The following GAB2 variants were observed in gnomAD, a reference collection of about 807,000 sequenced individuals.
GAB2 encodes GRB2-associated-binding protein 2.
A neutral mutation model predicts 65.5 loss-of-function variants in GAB2; 26 were observed. The ratio of observed to expected loss-of-function variants is 0.40; its 90% CI spans 0.29 to 0.55. GAB2 has a LOEUF of 0.55. Ranked by LOEUF, GAB2 falls within the 20% of genes least tolerant of loss-of-function variation. GAB2 has a pLI of 0.53. For synonymous variants in GAB2, 321 were observed against 329.6 expected (o/e 0.97, Z 0.28); for missense variants, 884 against 875.8 (o/e 1.01, Z -0.12).
intron 1 of GAB2, among the ~76,000 whole-genome samples, chr11:78,372,966 C>G (rs908946384): frequency 6.6e-6 from 1 of 151,936 alleles, no homozygotes; most frequent in Admixed American, 6.6e-5. Flanking sequence ...AAGTAGAGTC[C>G]TGGAAGAAGA....
chr11:78,321,967 AT>A (rs1466176607), intron 1 of GAB2, among the ~76,000 whole-genome samples: 4 of 152,048 alleles, frequency 2.6e-5, no homozygotes, highest in Non-Finnish European at 5.9e-5. Context: ...ACTCCTACCT[AT>A]CATGATACAT....
At chr11:78,400,354 A>AG (rs1226157912) in intron 1 of GAB2, among the ~76,000 whole-genome samples, 1 of 152,164 alleles carries the variant, frequency 6.6e-6, no homozygotes, top group East Asian at 1.9e-4. Context: ...ACTCCATATA[A>AG]GGGCATCATT....
At chr11:78,269,580 C>T (rs1231402463) in intron 2 of GAB2, among the ~76,000 whole-genome samples, 1 of 152,188 alleles carries the variant, frequency 6.6e-6, no homozygotes, top group Non-Finnish European at 1.5e-5. Context: ...TTGAAGACCC[C>T]ACTAACATTC....
At chr11:78,403,156 C>T (rs12294562) in intron 1 of GAB2, among the ~76,000 whole-genome samples, 13,283 of 152,212 alleles carry the variant, frequency 0.087, 1,852 homozygotes, top group African/African-American at 0.3. Context: ...AACCACCCAG[C>T]TAAGGCTACT....
chr11:78,396,411 C>T (rs1856895325), intron 1 of GAB2, among the ~76,000 whole-genome samples: 1 of 152,166 alleles, frequency 6.6e-6, no homozygotes, highest in South Asian at 2.1e-4. Context: ...TGTGGGAGAG[C>T]TATAAGAACA....
At chr11:78,221,412 A>T (rs535712118) in intron 8 of GAB2, among the ~76,000 whole-genome samples, 6 of 152,180 alleles carry the variant, frequency 3.9e-5, no homozygotes, top group Non-Finnish European at 7.3e-5. Context: ...CATGCCACCC[A>T]TGTCACTGTC....
intron 1 of GAB2, among the ~76,000 whole-genome samples, chr11:78,340,896 T>C (rs556406515): frequency 6.6e-6 from 1 of 152,178 alleles, no homozygotes; most frequent in South Asian, 2.1e-4. Context: ...TCTTTCCTCA[T>C]CACAATGGTG....
At chr11:78,346,227 G>A (rs982903370) in intron 1 of GAB2, among the ~76,000 whole-genome samples, 2 of 152,062 alleles carry the variant, frequency 1.3e-5, no homozygotes, top group Non-Finnish European at 2.9e-5. Context: ...AAAGTGAAAG[G>A]AATAAATCTG....
intron 1 of GAB2, among the ~76,000 whole-genome samples, chr11:78,373,529 C>T (rs1026056797): frequency 5.9e-5 from 9 of 152,142 alleles, no homozygotes; most frequent in East Asian, 1.9e-4. Flanking sequence ...TGAGCCACCA[C>T]GCCTGGCCAT....
intron 1 of GAB2, among the ~76,000 whole-genome samples, chr11:78,394,674 C>A (rs1856873879): frequency 6.6e-6 from 1 of 152,186 alleles, no homozygotes; most frequent in South Asian, 2.1e-4. Flanking sequence ...GCTGTTACCC[C>A]ACTGTTTGGC....
chr11:78,242,330 A>G (rs1033140515), intron 3 of GAB2, among the ~76,000 whole-genome samples: 2 of 151,950 alleles, frequency 1.3e-5, no homozygotes, highest in South Asian at 2.1e-4. Context: ...GTGAAACCCC[A>G]TCTCTACTAA....
intron 4 of GAB2, 148 bp from the exon 5 acceptor site, chr11:78,225,350 C>T (rs1299974319): frequency 1.3e-5 from 8 of 598,200 alleles, no homozygotes; most frequent in East Asian, 2.8e-5. Context: ...TCTTCGAACA[C>T]ATCACTCCTC....
chr11:78,283,657 T>C (rs1866391674), intron 1 of GAB2, among the ~76,000 whole-genome samples: 1 of 152,134 alleles, frequency 6.6e-6, no homozygotes, highest in African/African-American at 2.4e-5. Flanking sequence ...TCAGTGCTGA[T>C]AAATCAACTC....
chr11:78,302,522 A>C (rs887872758), intron 1 of GAB2, among the ~76,000 whole-genome samples: 17 of 152,096 alleles, frequency 1.1e-4, no homozygotes, highest in Non-Finnish European at 2.5e-4. Flanking sequence ...TAAAAAAAAA[A>C]CAAAACAGAT....
At chr11:78,400,921 A>C (rs1856961556) in intron 1 of GAB2, among the ~76,000 whole-genome samples, 1 of 151,302 alleles carries the variant, frequency 6.6e-6, no homozygotes, top group Admixed American at 6.6e-5. Flanking sequence ...AAAAAAAAAA[A>C]AAAAAAGGTT....
Position 78,280,909 on chromosome 11 carries a change from A to T in GAB2, c.76-8T>A. 6.2e-7 allele frequency: 1 copy of T among 1,609,524 alleles called. No individual in the cohort carries two copies. Among genetic ancestry groups the T allele is most frequent in the Non-Finnish European group, 8.5e-7 (1 of 1,176,556 alleles). ...CCAGCGTTTCTTCCAGGCCTAAATC[A>T]TATCAGGAAGGAGTAAGAAGAGGGG... is the stretch of plus-strand genomic sequence containing the variant. On this transcript the variant is annotated splice_region_variant and splice_polypyrimidine_tract_variant and intron_variant, in intron 1 of 9. Coordinates refer to ENST00000361507, the MANE Select transcript of GAB2 (RefSeq NM_080491.3).
chr11:78,404,263 C>T (rs1265290529), intron 1 of GAB2, among the ~76,000 whole-genome samples: 1 of 152,196 alleles, frequency 6.6e-6, no homozygotes, highest in Non-Finnish European at 1.5e-5. Flanking sequence ...TTATTCAGGG[C>T]TGGGCACAGT....
chr11:78,411,171 T>G (rs1236897964), intron 1 of GAB2, among the ~76,000 whole-genome samples: 15 of 139,146 alleles, frequency 1.1e-4, no homozygotes, highest in South Asian at 2.4e-4. Context: ...GGGGGGGGGA[T>G]GGTGGAAGGA....
At position 78,417,680 on chromosome 11, in the gene GAB2, C is replaced by A; in HGVS notation, c.41G>T (p.Arg14Met). 7.2e-7 allele frequency: 1 copy of A among 1,392,742 alleles called. No homozygotes were observed. Among genetic ancestry groups the A allele is most frequent in the Non-Finnish European group, 9.5e-7 (1 of 1,050,468 alleles). The allele number at this position is 1,392,742 out of a possible 1,614,324, so 86.3% of individuals were successfully genotyped here. A position where few individuals can be genotyped will look rare whatever the true frequency, so the allele number is the denominator to read the frequency against. Residue 14 changes from arginine (R) to methionine (M), a missense_variant, in exon 1 of 10, where the codon AGG (arginine) becomes ATG (methionine). Coordinates refer to ENST00000361507, the MANE Select transcript of GAB2 (RefSeq NM_080491.3). ...CAACTTCTTCTCGGGAGGCGATTTCCTCAGCCAGCCGGTGCACACCACGTC... is the reference window on the plus strand; with the variant it reads ...CAACTTCTTCTCGGGAGGCGATTTCATCAGCCAGCCGGTGCACACCACGTC... ...GGDVVCTGWL[R>M]KSPPEKKLRR...
Sources: gnomAD v4.1 joint callset for allele counts (sites outside exome capture counted in the v4.1 genomes callset) on GRCh38, gnomAD v4.1.1 for gene constraint, MANE v1.5 for transcripts, NCBI Gene and HGNC (gene_info 2026-07-23, HGNC 2026-07-21) for gene names.